Variants in TENM4 observed in about 807,000 individuals in gnomAD.
The protein encoded by TENM4 is teneurin-4.
TENM4 carries 82 observed loss-of-function variants against 243.3 expected under a neutral mutation model. That is an observed-to-expected ratio of 0.34 (90% confidence interval 0.28 to 0.40). The LOEUF (loss-of-function observed/expected upper bound fraction) is 0.40. Among genes scored for constraint, TENM4 ranks in the 10% least tolerant of loss-of-function variants. The pLI, the probability that TENM4 is intolerant of heterozygous loss-of-function variation, is 1.00. For missense variants in TENM4, 3,138 were observed against 3,673.3 expected (o/e 0.85, Z 3.77); for synonymous variants, 1,412 against 1,456.3 (o/e 0.97, Z 0.69).
At chr11:79,342,520 T>C (rs1373648803) in intron 1 of TENM4, among the ~76,000 whole-genome samples, 1 of 152,050 alleles carries the variant, frequency 6.6e-6, no homozygotes, top group African/African-American at 2.4e-5. Context: ...GCCTCCCTCT[T>C]TCAGTCTCTT....
intron 6 of TENM4, among the ~76,000 whole-genome samples, chr11:79,004,941 CAAA>C (rs58631195): frequency 0.076 from 6,717 of 87,994 alleles, 509 homozygotes; most frequent in African/African-American, 0.23. Flanking sequence ...ATAGAAATAC[CAAA>C]AAAAAAAAAA....
At chr11:79,395,000 A>C (rs1858312210) in intron 1 of TENM4, among the ~76,000 whole-genome samples, 1 of 152,234 alleles carries the variant, frequency 6.6e-6, no homozygotes, top group African/African-American at 2.4e-5. Context: ...AACATTGCCA[A>C]CACCTGGATT....
At chr11:79,376,908 G>C (rs759550559) in intron 1 of TENM4, among the ~76,000 whole-genome samples, 1 of 152,152 alleles carries the variant, frequency 6.6e-6, no homozygotes, top group Non-Finnish European at 1.5e-5. Flanking sequence ...AATGATATCA[G>C]GTACTATCCC....
At chr11:79,160,446 G>A (rs996722540) in intron 3 of TENM4, among the ~76,000 whole-genome samples, 1 of 152,134 alleles carries the variant, frequency 6.6e-6, no homozygotes, top group African/African-American at 2.4e-5. Flanking sequence ...GAGCTCGGGG[G>A]ACTTGGGGAG....
chr11:79,403,355 C>T (rs1472740848), intron 1 of TENM4, among the ~76,000 whole-genome samples: 1 of 152,198 alleles, frequency 6.6e-6, no homozygotes, highest in Non-Finnish European at 1.5e-5. Context: ...CAGCACTTTA[C>T]ATTTTACAAA....
intron 15 of TENM4, among the ~76,000 whole-genome samples, chr11:78,804,205 C>A (rs1247903312): frequency 6.6e-6 from 1 of 152,102 alleles, no homozygotes; most frequent in Non-Finnish European, 1.5e-5. Flanking sequence ...AGCTTTTTGT[C>A]CCTGGGCAGG....
At chr11:78,850,823 C>T (rs370598118) in intron 12 of TENM4, among the ~76,000 whole-genome samples, 1 of 152,104 alleles carries the variant, frequency 6.6e-6, no homozygotes, top group Non-Finnish European at 1.5e-5. Context: ...TTGCAAAGTA[C>T]TATTGTTCCA....
At chr11:79,009,727 G>A (rs1858593000) in intron 6 of TENM4, among the ~76,000 whole-genome samples, 1 of 152,104 alleles carries the variant, frequency 6.6e-6, no homozygotes. Flanking sequence ...CCAACGTCTT[G>A]GGGAAAGTTA....
At chr11:78,919,618 T>G (rs1350339179) in intron 6 of TENM4, among the ~76,000 whole-genome samples, 1 of 152,152 alleles carries the variant, frequency 6.6e-6, no homozygotes, top group Non-Finnish European at 1.5e-5. Flanking sequence ...GAGGAATGCC[T>G]GCCTGAGAAT....
chr11:78,824,784 G>A (rs904750529), intron 12 of TENM4, among the ~76,000 whole-genome samples: 1 of 152,126 alleles, frequency 6.6e-6, no homozygotes, highest in African/African-American at 2.4e-5. Flanking sequence ...GATTACAGGC[G>A]TGGGCCACCA....
intron 28 of TENM4, among the ~76,000 whole-genome samples, chr11:78,692,055 C>G (rs1159103213): frequency 6.6e-6 from 1 of 152,148 alleles, no homozygotes; most frequent in Non-Finnish European, 1.5e-5. Flanking sequence ...CAACAAAGAG[C>G]AGGGACCTGG....
chr11:79,000,662 T>C (rs1199127938), intron 6 of TENM4, among the ~76,000 whole-genome samples: 1 of 152,100 alleles, frequency 6.6e-6, no homozygotes. Context: ...CAATGCTACA[T>C]AAAAACTTTA....
At chr11:79,130,476 G>A (rs1396206582) in intron 4 of TENM4, among the ~76,000 whole-genome samples, 5 of 149,650 alleles carry the variant, frequency 3.3e-5, no homozygotes, top group African/African-American at 2.5e-5. Context: ...CAATGCAAAG[G>A]AAAAAAAAAA....
At chr11:79,366,018 G>C (rs1157579844) in intron 1 of TENM4, among the ~76,000 whole-genome samples, 1 of 152,188 alleles carries the variant, frequency 6.6e-6, no homozygotes, top group Non-Finnish European at 1.5e-5. Flanking sequence ...CATGCTTCAA[G>C]TGATCAAGAG....
intron 3 of TENM4, among the ~76,000 whole-genome samples, chr11:79,192,212 C>G (rs911609078): frequency 5.9e-5 from 9 of 151,840 alleles, no homozygotes; most frequent in African/African-American, 2.2e-4. Context: ...CCCGGCCGCC[C>G]CTACTGGGAA....
At chr11:79,390,106 C>G (rs554171254) in intron 1 of TENM4, among the ~76,000 whole-genome samples, 19 of 152,274 alleles carry the variant, frequency 1.2e-4, no homozygotes, top group African/African-American at 4.6e-4. Context: ...AGGCCTAATA[C>G]AGAGCAGTGG....
At chr11:78,975,125 A>C (rs1251161361) in intron 6 of TENM4, among the ~76,000 whole-genome samples, 3 of 136,256 alleles carry the variant, frequency 2.2e-5, no homozygotes, top group African/African-American at 8.2e-5. Flanking sequence ...GAAGGAGACA[A>C]GCAGGAATGG....
chr11:78,855,904 G>A, intron 11 of TENM4, 60 bp downstream of exon 11: 4 of 1,476,386 alleles, frequency 2.7e-6, no homozygotes, highest in Non-Finnish European at 3.7e-6. Context: ...TCTTAACTTT[G>A]GGTTAAGATT....
intron 2 of TENM4, among the ~76,000 whole-genome samples, chr11:79,256,602 C>T (rs1327183646): frequency 2.6e-5 from 4 of 152,190 alleles, no homozygotes; most frequent in East Asian, 1.9e-4. Flanking sequence ...GTTTCCATCT[C>T]AGAGTTCAAA....
Sources: gnomAD v4.1 joint callset for allele counts (sites outside exome capture counted in the v4.1 genomes callset) on GRCh38, gnomAD v4.1.1 for gene constraint, MANE v1.5 for transcripts, NCBI Gene and HGNC (gene_info 2026-07-23, HGNC 2026-07-21) for gene names.